DNAAF4: variants seen among roughly 807,000 people sequenced by gnomAD.
DNAAF4 encodes the protein dynein assembly factor 4, axonemal.
DNAAF4 carries 43 observed loss-of-function variants against 51.8 expected under a neutral mutation model. The observed-to-expected ratio is 0.83, with a 90% CI of 0.65 to 1.07. DNAAF4 has a LOEUF of 1.07. Ranked by LOEUF, DNAAF4 falls within the 50% of genes least tolerant of loss-of-function variation. The pLI is 0.00. For synonymous variants in DNAAF4, 194 were observed against 165.6 expected (o/e 1.17, Z -1.32); for missense variants, 581 against 493.0 (o/e 1.18, Z -1.69).
chr15:55,424,441 T>C (rs558089690), intron 7 of DNAAF4, among the ~76,000 whole-genome samples: 1 of 152,356 alleles, frequency 6.6e-6, no homozygotes, highest in East Asian at 1.9e-4. Flanking sequence ...TTTCCCTAGA[T>C]GGCATGTGCA....
chr15:55,500,521 G>T (rs924216915), intron 1 of DNAAF4, among the ~76,000 whole-genome samples: 1 of 152,190 alleles, frequency 6.6e-6, no homozygotes, highest in South Asian at 2.1e-4. Context: ...AGAAATATGT[G>T]AGATTTTATA....
intron 2 of DNAAF4, 64 bp downstream of exon 2, chr15:55,498,143 T>G (rs937624418): frequency 3.7e-6 from 6 of 1,609,514 alleles, no homozygotes; most frequent in Middle Eastern, 3.3e-4. Context: ...CGTGCCCAGC[T>G]GCGCTCTTGC....
chr15:55,457,205 T>C (rs1178155806), intron 5 of DNAAF4, among the ~76,000 whole-genome samples: 4 of 152,070 alleles, frequency 2.6e-5, no homozygotes, highest in African/African-American at 9.7e-5. Flanking sequence ...ATAAACGCAG[T>C]GCGGTTGGGG....
intron 4 of DNAAF4, among the ~76,000 whole-genome samples, chr15:55,486,525 T>G (rs2058491738): frequency 6.6e-6 from 1 of 152,056 alleles, no homozygotes. Flanking sequence ...AAAGTAAAAA[T>G]TCCTTTAATT....
At chr15:55,446,277 G>A (rs1427196704) in intron 6 of DNAAF4, among the ~76,000 whole-genome samples, 12 of 109,886 alleles carry the variant, frequency 1.1e-4, no homozygotes, top group South Asian at 6.8e-4. Flanking sequence ...CCGGGCAGAG[G>A]CGCTCCTCAC....
chr15:55,464,834 A>G (rs2058145151), intron 5 of DNAAF4, among the ~76,000 whole-genome samples: 1 of 152,170 alleles, frequency 6.6e-6, no homozygotes, highest in South Asian at 2.1e-4. Context: ...ACATGCCTGT[A>G]ATCCTAGCTA....
In DNAAF4 at chr15:55,506,751, G is replaced by T. The variant is rs1367851659; in HGVS notation, c.-256+1371C>A. 9.2e-5 allele frequency among the ~76,000 whole-genome samples: 14 copies of T among 152,190 alleles called. No homozygotes were observed. In the East Asian group the frequency reaches 2.7e-3, roughly 29 times the overall value. ...CAGAATATTATACAACAATAAAAATGAGTGAATGATAGCTATACATTGGAT... is the reference window on the plus strand; with the variant it reads ...CAGAATATTATACAACAATAAAAATTAGTGAATGATAGCTATACATTGGAT... On this transcript the variant is annotated intron_variant, in intron 1 of 9. Transcript: ENST00000321149.
At chr15:55,492,478 A>G (rs1208043948) in intron 3 of DNAAF4, among the ~76,000 whole-genome samples, 1 of 152,200 alleles carries the variant, frequency 6.6e-6, no homozygotes, top group Non-Finnish European at 1.5e-5. Flanking sequence ...AATAAAATAT[A>G]CAGGTCTACA....
intron 8 of DNAAF4, among the ~76,000 whole-genome samples, chr15:55,433,891 TATA>T (rs1567000358): frequency 1.0e-4 from 1 of 10,026 alleles, no homozygotes; most frequent in African/African-American, 4.1e-4. Context: ...ATATTATATA[TATA>T]TTATATATAT....
At chr15:55,499,826 T>G (rs1419694551) in intron 1 of DNAAF4, among the ~76,000 whole-genome samples, 1 of 152,230 alleles carries the variant, frequency 6.6e-6, no homozygotes, top group African/African-American at 2.4e-5. Context: ...ATTCTACATA[T>G]TTAAGGAATC....
At chr15:55,494,950 G>A (rs554152288) in intron 3 of DNAAF4, among the ~76,000 whole-genome samples, 1 of 152,182 alleles carries the variant, frequency 6.6e-6, no homozygotes, top group Non-Finnish European at 1.5e-5. Flanking sequence ...GTGCTACAAT[G>A]GCAGAGCTGA....
At chr15:55,494,177 G>A (rs1469421390) in intron 3 of DNAAF4, among the ~76,000 whole-genome samples, 1 of 148,440 alleles carries the variant, frequency 6.7e-6, no homozygotes, top group Non-Finnish European at 1.5e-5. Context: ...TTGCAGGTAT[G>A]CGCCACCATG....
intron 7 of DNAAF4, among the ~76,000 whole-genome samples, chr15:55,424,562 C>T (rs1406983505): frequency 6.6e-6 from 1 of 152,132 alleles, no homozygotes; most frequent in Non-Finnish European, 1.5e-5. Context: ...TCCTGTGAAC[C>T]ACTTTTTTGA....
intron 7 of DNAAF4, among the ~76,000 whole-genome samples, chr15:55,422,332 G>T (rs1220779632): frequency 6.6e-6 from 1 of 152,092 alleles, no homozygotes; most frequent in Non-Finnish European, 1.5e-5. Flanking sequence ...TTGATGTAAG[G>T]CAACTGAATA....
chr15:55,418,666 T>G, intron 7 of DNAAF4: 1 of 859,972 alleles, frequency 1.2e-6, no homozygotes, highest in Non-Finnish European at 1.7e-6. Context: ...ATAAAAAGTT[T>G]TGAATCAATT....
At chr15:55,458,424 A>T (rs1169190212) in intron 5 of DNAAF4, among the ~76,000 whole-genome samples, 2 of 152,192 alleles carry the variant, frequency 1.3e-5, no homozygotes. Context: ...AGATTTGAAC[A>T]AGTAGAAGAA....
intron 4 of DNAAF4, among the ~76,000 whole-genome samples, chr15:55,490,307 G>T (rs947420862): frequency 1.3e-5 from 2 of 152,054 alleles, no homozygotes; most frequent in Non-Finnish European, 2.9e-5. Flanking sequence ...GTGCTTTTTG[G>T]GGGGTGATGA....
chr15:55,443,781 A>C (rs1029063123), intron 6 of DNAAF4, among the ~76,000 whole-genome samples: 2 of 152,060 alleles, frequency 1.3e-5, no homozygotes, highest in Admixed American at 1.3e-4. Flanking sequence ...TTTGATTTGC[A>C]TTTCTCTGAT....
Position 55,485,313 on chromosome 15 carries a change from G to T in DNAAF4, c.405+5810C>A, listed in dbSNP as rs528572719. 6.6e-5 allele frequency among the ~76,000 whole-genome samples: 10 copies of T among 152,316 alleles called. No individual in the cohort carries two copies. In the East Asian group the frequency reaches 1.7e-3, roughly 26 times the overall value. The stretch of plus-strand genomic sequence containing the variant: ...AGGATTTTTTAAATGCCAGAATCAT[G>T]AAAGTTATTATCATAAAATAGAATA... On this transcript the variant is annotated intron_variant, in intron 4 of 9. Transcript: ENST00000321149.
Sources: allele counts gnomAD v4.1 joint callset (sites outside exome capture counted in the v4.1 genomes callset), GRCh38; gene constraint gnomAD v4.1.1; transcripts MANE v1.5; gene names NCBI Gene and HGNC (gene_info 2026-07-23, HGNC 2026-07-21).